Variants in WRNIP1 observed in about 807,000 individuals in gnomAD.
WRNIP1 encodes the protein WRN helicase interacting protein 1, also known as ATPase WRNIP1.
Under a neutral mutation model 56.1 loss-of-function variants are expected in WRNIP1, and 41 were observed. The ratio of observed to expected loss-of-function variants is 0.73; its 90% CI spans 0.57 to 0.95. The LOEUF is 0.95. WRNIP1 is among the 40% of genes least tolerant of loss of function. WRNIP1 has a pLI of 0.00. For synonymous variants in WRNIP1, 547 were observed against 398.1 expected (o/e 1.37, Z -4.45); for missense variants, 1,170 against 939.4 (o/e 1.25, Z -3.21).
chr6:2,777,215 T>G (rs1336415768), intron 3 of WRNIP1, among the ~76,000 whole-genome samples: 1 of 152,222 alleles, frequency 6.6e-6, no homozygotes, highest in Non-Finnish European at 1.5e-5. Flanking sequence ...CACTCTGAGA[T>G]TATGATAAAA....
intron 4 of WRNIP1, among the ~76,000 whole-genome samples, chr6:2,780,422 TA>T (rs368687777): frequency 2.1e-3 from 319 of 152,282 alleles, no homozygotes; most frequent in African/African-American, 7.2e-3. Context: ...CTGCATGACC[TA>T]GGGGGGCTGA....
intron 5 of WRNIP1, among the ~76,000 whole-genome samples, 183 bp from the exon 6 acceptor site, chr6:2,784,139 ACT>A (rs1765650532): frequency 6.6e-6 from 1 of 152,120 alleles, no homozygotes; most frequent in African/African-American, 2.4e-5. Flanking sequence ...CACAGTAACC[ACT>A]CTCAATATTT....
rs574925869 is a variant in WRNIP1, at chr6:2,772,099, G to GGA, written c.1256+1739_1256+1740dup. ...AGTCACTGCCGTGCAGGAATTTAAA[G>GGA]GAAATGAGAAAGGCGGCAGCCAAGG... On this transcript the variant is annotated intron_variant, in intron 3 of 6. Transcript: ENST00000380773. Among the ~76,000 whole-genome samples, 490 of 152,310 alleles carry GGA rather than the reference G, an allele frequency of 3.2e-3. 2 individuals carry two copies. The highest frequency in any genetic ancestry group is 6.8e-3 in the Middle Eastern group (2 of 294).
intron 4 of WRNIP1, among the ~76,000 whole-genome samples, chr6:2,782,162 C>T (rs766540153): frequency 2.0e-5 from 3 of 152,360 alleles, no homozygotes; most frequent in South Asian, 2.1e-4. Flanking sequence ...AGGAGCAGAG[C>T]GTAGCCTGAG....
Position 2,781,930 on chromosome 6 carries a change from G to A in WRNIP1, c.1487-1476G>A, listed in dbSNP as rs542927156. Reference sequence around the variant, plus strand: ...CTTGCCCATGGCCCATGAGCTTGGGGGTCCAGCCCAGGCTGTTTGGTCCCA... The same window carrying A: ...CTTGCCCATGGCCCATGAGCTTGGGAGTCCAGCCCAGGCTGTTTGGTCCCA... On this transcript the variant is annotated intron_variant, in intron 4 of 6. Coordinates refer to ENST00000380773, the MANE Select transcript of WRNIP1 (RefSeq NM_020135.3). Among the ~76,000 whole-genome samples the A allele has an allele frequency of 4.6e-5, 7 of 152,364 alleles. No homozygotes were observed. The South Asian group carries it at 1.2e-3, about 27-fold the overall frequency.
intron 4 of WRNIP1, among the ~76,000 whole-genome samples, chr6:2,782,446 C>T (rs1012393250): frequency 2.0e-5 from 3 of 152,230 alleles, no homozygotes; most frequent in African/African-American, 7.2e-5. Flanking sequence ...ACCTGAAGAC[C>T]AACTGTCATC....
At position 2,783,468 on chromosome 6, in the gene WRNIP1, G is replaced by A. The variant is rs760831955; in HGVS notation, c.1549G>A (p.Ala517Thr). 2.9e-5 allele frequency: 46 copies of A among 1,613,746 alleles called. No homozygotes were observed. The highest frequency in any genetic ancestry group is 1.6e-4 in the Middle Eastern group (1 of 6,082). ...GTCCATGCGGGGCTCAGACCAGAAC[G>A]CCTCCCTCTACTGGCTGGCTCGCAT... is the stretch of plus-strand genomic sequence containing the variant. Reference protein sequence around the residue: ...HKSMRGSDQNASLYWLARMLE... With the variant: ...HKSMRGSDQNTSLYWLARMLE... Residue 517 changes from alanine to threonine, a missense_variant, in exon 5 of 7, where the codon GCC (alanine) becomes ACC (threonine). Coordinates refer to ENST00000380773, the MANE Select transcript of WRNIP1 (RefSeq NM_020135.3).
intron 4 of WRNIP1, among the ~76,000 whole-genome samples, chr6:2,782,338 G>A (rs557228575): frequency 3.3e-4 from 50 of 152,382 alleles, no homozygotes; most frequent in African/African-American, 1.1e-3. Context: ...CCATCCATCT[G>A]CCCTGGCTCT....
At position 2,766,132 on chromosome 6, in the gene WRNIP1, C is replaced by T. The variant is rs1764961071; in HGVS notation, c.510C>T (p.Gly170=). 4 of 1,240,240 alleles carry T rather than the reference C, an allele frequency of 3.2e-6. No individual in the cohort carries two copies. The highest frequency in any genetic ancestry group is 1.6e-5 in the African/African-American group (1 of 63,920). The allele number at this position is 1,240,240 out of a possible 1,614,324, so 76.8% of individuals were successfully genotyped here. A position where few individuals can be genotyped will look rare whatever the true frequency, so the allele number is the denominator to read the frequency against. The change falls in exon 1 of 7, where the codon GGC becomes GGT. Residue 170 remains glycine (G), a synonymous_variant. Transcript: ENST00000380773. ...AEAQEEEEAV[G]DGDGDGDADA... ...CGCAGGAGGAGGAGGAGGCCGTGGG[C>T]GACGGCGATGGCGACGGGGACGCGG...
chr6:2,766,864 G>A (rs934886801), intron 1 of WRNIP1, among the ~76,000 whole-genome samples: 1 of 150,418 alleles, frequency 6.6e-6, no homozygotes, highest in Non-Finnish European at 1.5e-5. Flanking sequence ...AACGGATTCA[G>A]CTTTGAAAAA....
chr6:2,774,907 C>T (rs1765397623), intron 3 of WRNIP1, among the ~76,000 whole-genome samples: 1 of 152,174 alleles, frequency 6.6e-6, no homozygotes, highest in African/African-American at 2.4e-5. Flanking sequence ...GGTGATTCTC[C>T]TCGCTGTTGA....
intron 3 of WRNIP1, chr6:2,774,286 GC>G: frequency 1.0e-6 from 1 of 985,380 alleles, no homozygotes; most frequent in African/African-American, 1.7e-5. Flanking sequence ...TCCTGTGGCT[GC>G]TGTAACAATT....
At chr6:2,783,665 T>TG (rs1765635496) in intron 5 of WRNIP1, 104 bp downstream of exon 5, 6 of 21,878 alleles carry the variant, frequency 2.7e-4, no homozygotes, top group East Asian at 1.3e-3. Context: ...CAGGGCGGGG[T>TG]GGGCGGGGGT....
intron 4 of WRNIP1, among the ~76,000 whole-genome samples, chr6:2,782,579 T>A (rs1223162052): frequency 1.3e-5 from 2 of 152,258 alleles, no homozygotes; most frequent in Admixed American, 1.3e-4. Context: ...AACACCATCC[T>A]CCGCTTTCTC....
At position 2,765,451 on chromosome 6, in the gene WRNIP1, C is replaced by CGGGAGCTGCGGACGT. The variant is rs1056411626; in HGVS notation, c.-170_-156dup. The CGGGAGCTGCGGACGT allele has an allele frequency of 1.2e-5, 9 of 766,716 alleles. No homozygotes were observed. Among genetic ancestry groups the CGGGAGCTGCGGACGT allele is most frequent in the African/African-American group, 5.5e-5 (3 of 54,416 alleles). 47.5% of individuals were successfully genotyped at this position (766,716 alleles called of 1,614,324 possible). Reference sequence around the variant, plus strand: ...GCGGCCGGCCGAGGGCGGGCGGACGCGGGAGCTGCGGACGTGAGGCATGAG... The same window carrying CGGGAGCTGCGGACGT: ...GCGGCCGGCCGAGGGCGGGCGGACGCGGGAGCTGCGGACGTGGGAGCTGCGGACGTGAGGCATGAG... On this transcript the variant is annotated 5_prime_UTR_variant, in exon 1 of 7. Transcript: ENST00000380773.
intron 5 of WRNIP1, 140 bp from the exon 6 acceptor site, chr6:2,784,184 C>T (rs980639248): frequency 1.2e-5 from 8 of 652,228 alleles, no homozygotes; most frequent in Non-Finnish European, 2.1e-5. Context: ...GAGACTAGAG[C>T]TAAGTCAGGC....
chr6:2,766,387 C>T lies in WRNIP1; in HGVS notation c.765C>T (p.Leu255=). Residue 255 remains leucine, a synonymous_variant, in exon 1 of 7, where the codon CTC becomes CTT. Coordinates refer to ENST00000380773, the MANE Select transcript of WRNIP1 (RefSeq NM_020135.3). ...GCCAGGATACCCTGCTGCGCTCGCT[C>T]CTGGAGACCAACGAAATCCCCTCGC... is the stretch of plus-strand genomic sequence containing the variant. ...AVGQDTLLRS[L]LETNEIPSLI... The T allele has an allele frequency of 3.7e-6, 6 of 1,607,892 alleles. No individual in the cohort carries two copies. Among genetic ancestry groups the T allele is most frequent in the Admixed American group, 3.4e-5 (2 of 59,612 alleles).
At position 2,779,373 on chromosome 6, in the gene WRNIP1, G is replaced by C. The variant is rs139558660; in HGVS notation, c.1367G>C (p.Ser456Thr). The change falls in exon 4 of 7, where the codon AGC becomes ACC. Residue 456 changes from serine (S) to threonine (T), a missense_variant. Transcript: ENST00000380773. ...GLQLAVLARL[S>T]SRKMFCKKSG... ...CAGCTGGCGGTGCTGGCTAGGTTAA[G>C]CTCTAGGAAGATGTTCTGTAAGAAG... is the stretch of plus-strand genomic sequence containing the variant. The C allele has an allele frequency of 1.2e-6, 2 of 1,614,100 alleles. 1 individual carries two copies. Among genetic ancestry groups the C allele is most frequent in the South Asian group, 2.2e-5 (2 of 91,086 alleles).
chr6:2,785,166 G>A lies in WRNIP1; in HGVS notation c.1882G>A (p.Asp628Asn). The A allele has an allele frequency of 3.1e-6, 5 of 1,614,184 alleles. No homozygotes were observed. Among genetic ancestry groups the A allele is most frequent in the Non-Finnish European group, 4.2e-6 (5 of 1,180,038 alleles). The change falls in exon 7 of 7, where the codon GAT becomes AAT. Residue 628 changes from aspartate (D) to asparagine (N), a missense_variant. Coordinates refer to ENST00000380773, the MANE Select transcript of WRNIP1 (RefSeq NM_020135.3). Reference protein sequence around the residue: ...LRNAPTRLMKDLGYGKGYKYN... With the variant: ...LRNAPTRLMKNLGYGKGYKYN... ...GAACGCGCCCACTAGGCTGATGAAGGATTTGGGCTATGGCAAAGGCTACAA... is the reference window on the plus strand; with the variant it reads ...GAACGCGCCCACTAGGCTGATGAAGAATTTGGGCTATGGCAAAGGCTACAA...
Sources: allele counts gnomAD v4.1 joint callset (sites outside exome capture counted in the v4.1 genomes callset), GRCh38; gene constraint gnomAD v4.1.1; transcripts MANE v1.5; gene names NCBI Gene and HGNC (gene_info 2026-07-23, HGNC 2026-07-21).